CDC14A: variants seen among roughly 807,000 people sequenced by gnomAD.
CDC14A encodes cell division cycle 14A, also known as dual specificity protein phosphatase CDC14A.
Under a neutral mutation model 74.4 loss-of-function variants are expected in CDC14A, and 53 were observed. The ratio of observed to expected loss-of-function variants is 0.71; its 90% CI spans 0.57 to 0.89. CDC14A has a LOEUF of 0.89. Ranked by LOEUF, CDC14A falls within the 40% of genes least tolerant of loss-of-function variation. The pLI is 0.00. For missense variants in CDC14A, 646 were observed against 713.7 expected (o/e 0.91, Z 1.08); for synonymous variants, 247 against 258.4 (o/e 0.96, Z 0.43).
Position 100,492,048 on chromosome 1 carries a change from G to A in CDC14A, c.1138-2770G>A, listed in dbSNP as rs191085976. Among the ~76,000 whole-genome samples, 267 of 152,050 alleles carry A rather than the reference G, an allele frequency of 1.8e-3. 2 individuals are homozygous for A. The highest frequency in any genetic ancestry group is 8.1e-4 in the Non-Finnish European group (55 of 67,966). ...GGAAGTAAAAGTATGTTAAATCTGGGTAGTTAAGTGCATGGCTGTGTATTG... is the reference window on the plus strand; with the variant it reads ...GGAAGTAAAAGTATGTTAAATCTGGATAGTTAAGTGCATGGCTGTGTATTG... On this transcript the variant is annotated intron_variant, in intron 11 of 15. Coordinates refer to ENST00000336454, the MANE Select transcript of CDC14A (RefSeq NM_003672.4).
chr1:100,432,472 A>G (rs570308874), intron 5 of CDC14A, among the ~76,000 whole-genome samples: 8 of 152,346 alleles, frequency 5.3e-5, no homozygotes, highest in African/African-American at 1.9e-4. Flanking sequence ...GATAGACTGT[A>G]CATTTAAAAT....
chr1:100,430,534 A>G (rs935142752), intron 5 of CDC14A, among the ~76,000 whole-genome samples: 3 of 152,326 alleles, frequency 2.0e-5, no homozygotes, highest in South Asian at 2.1e-4. Flanking sequence ...AGGTCTTTAA[A>G]CAAAGGCTCA....
intron 10 of CDC14A, among the ~76,000 whole-genome samples, chr1:100,468,603 G>A (rs1433737702): frequency 2.0e-5 from 3 of 152,132 alleles, no homozygotes; most frequent in African/African-American, 7.2e-5. Flanking sequence ...TTTAGTTCTG[G>A]CTCTCCACTA....
intron 4 of CDC14A, chr1:100,393,553 A>G (rs1658009795): frequency 2.7e-6 from 2 of 746,778 alleles, no homozygotes; most frequent in African/African-American, 1.7e-5. Context: ...ACTGTCAGGT[A>G]TCTCAGGTAG....
chr1:100,446,865 T>C (rs913717471), intron 7 of CDC14A, among the ~76,000 whole-genome samples: 8 of 152,068 alleles, frequency 5.3e-5, no homozygotes, highest in African/African-American at 1.9e-4. Flanking sequence ...GCCCTGCTAA[T>C]TTTTGTATTT....
Position 100,388,139 on chromosome 1 carries a change from C to T in CDC14A, c.217-2593C>T, listed in dbSNP as rs552671357. 3.2e-4 allele frequency among the ~76,000 whole-genome samples: 49 copies of T among 152,266 alleles called. No homozygotes were observed. In the South Asian group the frequency reaches 7.7e-3, roughly 24 times the overall value. Reference sequence around the variant, plus strand: ...AGGGAGAGGCTGGGAGCCATAAGAGCGTCGAGTCCCTATGCTCAGTCTGAC... The same window carrying T: ...AGGGAGAGGCTGGGAGCCATAAGAGTGTCGAGTCCCTATGCTCAGTCTGAC... On this transcript the variant is annotated intron_variant, in intron 3 of 15. Transcript: ENST00000336454.
At chr1:100,378,741 C>G (rs1211263861) in intron 3 of CDC14A, among the ~76,000 whole-genome samples, 1 of 152,040 alleles carries the variant, frequency 6.6e-6, no homozygotes, top group Admixed American at 6.6e-5. Context: ...TTAAAAACCA[C>G]AATTACTTTT....
chr1:100,499,474 C>G, intron 15 of CDC14A: 1 of 1,438,836 alleles, frequency 7.0e-7, no homozygotes, highest in East Asian at 2.4e-5. Context: ...GGTTTTCTTC[C>G]TTCCTTCTTT....
At chr1:100,355,476 T>G (rs920102459) in intron 2 of CDC14A, among the ~76,000 whole-genome samples, 3 of 152,234 alleles carry the variant, frequency 2.0e-5, no homozygotes, top group African/African-American at 7.2e-5. Context: ...GGGAAATTTT[T>G]AATGTGATTT....
At chr1:100,460,703 T>A (rs888387409) in intron 8 of CDC14A, among the ~76,000 whole-genome samples, 1 of 152,252 alleles carries the variant, frequency 6.6e-6, no homozygotes, top group Non-Finnish European at 1.5e-5. Flanking sequence ...TTCTCCATGT[T>A]TGTGTAGGTT....
intron 15 of CDC14A, among the ~76,000 whole-genome samples, chr1:100,506,775 C>G (rs1426862936): frequency 6.6e-6 from 1 of 152,094 alleles, no homozygotes; most frequent in Non-Finnish European, 1.5e-5. Flanking sequence ...TTTATACTTT[C>G]TTATGTAGTG....
rs949822192 is a variant in CDC14A at position 100,382,199 on chromosome 1, C to A, written c.216+4578C>A. 4.0e-5 allele frequency among the ~76,000 whole-genome samples: 6 copies of A among 149,978 alleles called. 1 individual carries two copies. In the South Asian group the frequency reaches 1.3e-3, roughly 32 times the overall value. ...TGTGGTATTTTGAAAAAACTGAATA[C>A]CTTCCTCTATTCTTTTTTTTTTTTT... On this transcript the variant is annotated intron_variant, in intron 3 of 15. Coordinates refer to ENST00000336454, the MANE Select transcript of CDC14A (RefSeq NM_003672.4).
chr1:100,519,677 T>C lies in CDC14A; in HGVS notation c.*1397T>C, dbSNP rs1334028643. 2 of 152,554 alleles carry C rather than the reference T, an allele frequency of 1.3e-5. No homozygotes were observed. Among genetic ancestry groups the C allele is most frequent in the Non-Finnish European group, 2.9e-5 (2 of 67,972 alleles). 9.5% of individuals were successfully genotyped at this position (152,554 alleles called of 1,614,324 possible). A position where few individuals can be genotyped will look rare whatever the true frequency, so the allele number is the denominator to read the frequency against. On this transcript the variant is annotated 3_prime_UTR_variant, in exon 16 of 16. Transcript: ENST00000336454. ...AAAGGCATTTGAATGAATGTTTGACTCAGGTTTGTTAAATTAACCTTCAGT... is the reference window on the plus strand; with the variant it reads ...AAAGGCATTTGAATGAATGTTTGACCCAGGTTTGTTAAATTAACCTTCAGT...
chr1:100,456,326 T>C (rs1435780641), intron 8 of CDC14A, among the ~76,000 whole-genome samples: 1 of 152,248 alleles, frequency 6.6e-6, no homozygotes, highest in African/African-American at 2.4e-5. Flanking sequence ...TTTTTCTATC[T>C]ACTAATATTC....
At chr1:100,418,770 C>T (rs1661864951) in intron 4 of CDC14A, among the ~76,000 whole-genome samples, 2 of 152,200 alleles carry the variant, frequency 1.3e-5, no homozygotes, top group Admixed American at 1.3e-4. Flanking sequence ...TTAGTTCCGT[C>T]TCTCAAGCTG....
intron 4 of CDC14A, among the ~76,000 whole-genome samples, chr1:100,423,301 C>A (rs1454633956): frequency 2.0e-5 from 3 of 152,140 alleles, no homozygotes; most frequent in African/African-American, 7.2e-5. Flanking sequence ...GATAGCCATT[C>A]CTCCTTCCCC....
chr1:100,355,061 T>C (rs1267184223), intron 2 of CDC14A, among the ~76,000 whole-genome samples: 2 of 152,220 alleles, frequency 1.3e-5, no homozygotes, highest in African/African-American at 4.8e-5. Flanking sequence ...CTGCTGCTCA[T>C]GAATGCCCAG....
intron 4 of CDC14A, chr1:100,394,100 T>C (rs2100996294): frequency 5.2e-6 from 1 of 193,202 alleles, no homozygotes; most frequent in East Asian, 1.7e-4. Flanking sequence ...CTTCTCTCTC[T>C]TCTTTCCTTA....
At chr1:100,489,580 A>G (rs1300690092) in intron 11 of CDC14A, among the ~76,000 whole-genome samples, 4 of 43,200 alleles carry the variant, frequency 9.3e-5, no homozygotes, top group Non-Finnish European at 2.0e-4. Context: ...GTCATCACTC[A>G]TGTTTTTTTT....
Sources: allele counts gnomAD v4.1 joint callset (sites outside exome capture counted in the v4.1 genomes callset), GRCh38; gene constraint gnomAD v4.1.1; transcripts MANE v1.5; gene names NCBI Gene and HGNC (gene_info 2026-07-23, HGNC 2026-07-21).